The following FAT3 variants were observed in gnomAD, a reference collection of about 807,000 sequenced individuals.
FAT3 encodes FAT atypical cadherin 3, also known as protocadherin Fat 3.
Under a neutral mutation model 310.2 loss-of-function variants are expected in FAT3, and 95 were observed. The observed-to-expected ratio is 0.31, with a 90% CI of 0.26 to 0.36. The LOEUF is 0.36. FAT3 is among the 10% of genes least tolerant of loss of function. The pLI is 1.00. For synonymous variants in FAT3, 2,314 were observed against 2,192.9 expected (o/e 1.06, Z -1.54); for missense variants, 5,408 against 5,715.6 (o/e 0.95, Z 1.74).
chr11:92,264,589 A>G (rs1182495468), intron 1 of FAT3, among the ~76,000 whole-genome samples: 1 of 152,176 alleles, frequency 6.6e-6, no homozygotes, highest in African/African-American at 2.4e-5. Flanking sequence ...TGCTATGACA[A>G]TGGAAATATT....
chr11:92,261,084 G>A (rs1865533970), intron 1 of FAT3, among the ~76,000 whole-genome samples: 1 of 152,054 alleles, frequency 6.6e-6, no homozygotes, highest in Admixed American at 6.6e-5. Context: ...CTGTGACAAT[G>A]TACTACTTCA....
chr11:92,303,393 C>T (rs1179646212), intron 1 of FAT3, among the ~76,000 whole-genome samples: 1 of 152,048 alleles, frequency 6.6e-6, no homozygotes, highest in Non-Finnish European at 1.5e-5. Context: ...CAATATCTAG[C>T]AGCTCTTGAG....
At position 92,890,590 on chromosome 11, in the gene FAT3, A is replaced by T. The variant is rs1565683919; in HGVS notation, c.13247A>T (p.Gln4416Leu). The T allele has an allele frequency of 6.2e-7, 1 of 1,613,794 alleles. No individual in the cohort carries two copies. The highest frequency in any genetic ancestry group is 2.2e-5 in the East Asian group (1 of 44,856). Reference sequence around the variant, plus strand: ...AACCAGGATGGAGGGTCTGCACACCAGGGGAGCACACGGGAGCTGGAGAGC... The same window carrying T: ...AACCAGGATGGAGGGTCTGCACACCTGGGGAGCACACGGGAGCTGGAGAGC... The part of the protein sequence containing the change: ...YENQDGGSAH[Q>L]GSTRELESDY... The change falls in exon 28 of 28, where the codon CAG (glutamine) becomes CTG (leucine). Residue 4416 changes from glutamine (Q) to leucine (L), a missense_variant. This residue lies in a region of FAT3 where 649 missense variants were observed against 666.2 expected (regional missense o/e 0.97). Coordinates refer to ENST00000525166, the MANE Select transcript of FAT3 (RefSeq NM_001367949.2).
intron 3 of FAT3, among the ~76,000 whole-genome samples, chr11:92,678,906 A>G (rs1943376135): frequency 6.6e-6 from 1 of 152,228 alleles, no homozygotes; most frequent in Non-Finnish European, 1.5e-5. Context: ...CCATCACCCA[A>G]ATAACATACA....
chr11:92,765,238 A>C (rs1946274372), intron 6 of FAT3, 149 bp downstream of exon 6: 2 of 735,196 alleles, frequency 2.7e-6, no homozygotes, highest in Non-Finnish European at 4.3e-6. Flanking sequence ...AGAGCCAGTA[A>C]AGTGAATAAT....
chr11:92,253,238 T>G (rs1865198038), intron 1 of FAT3, among the ~76,000 whole-genome samples: 1 of 152,068 alleles, frequency 6.6e-6, no homozygotes, highest in Non-Finnish European at 1.5e-5. Flanking sequence ...GCTGTAATGC[T>G]GAAGCTGGTT....
chr11:92,629,634 C>T (rs1451133607), intron 3 of FAT3, among the ~76,000 whole-genome samples: 2 of 152,162 alleles, frequency 1.3e-5, no homozygotes, highest in East Asian at 1.9e-4. Context: ...TGGTCTCAAA[C>T]TCTTGGTCTC....
At chr11:92,646,331 C>G (rs79313121) in intron 3 of FAT3, among the ~76,000 whole-genome samples, 1 of 152,192 alleles carries the variant, frequency 6.6e-6, no homozygotes, top group African/African-American at 2.4e-5. Flanking sequence ...CATGGCACAT[C>G]AGGGTTCTAA....
intron 1 of FAT3, among the ~76,000 whole-genome samples, chr11:92,251,778 C>A (rs1036942214): frequency 6.6e-6 from 1 of 152,030 alleles, no homozygotes; most frequent in Non-Finnish European, 1.5e-5. Context: ...ATATGATGAA[C>A]AAGACAGATA....
At chr11:92,357,608 G>A (rs1051080388) in intron 2 of FAT3, among the ~76,000 whole-genome samples, 1 of 152,076 alleles carries the variant, frequency 6.6e-6, no homozygotes, top group African/African-American at 2.4e-5. Flanking sequence ...TGGATAGGTA[G>A]GTCATAGGAA....
At chr11:92,646,855 G>A (rs768827771) in intron 3 of FAT3, among the ~76,000 whole-genome samples, 6 of 152,176 alleles carry the variant, frequency 3.9e-5, no homozygotes, top group Non-Finnish European at 8.8e-5. Flanking sequence ...AAAGGACATG[G>A]CCATCACCAT....
Position 92,524,537 on chromosome 11 carries a change from T to G in FAT3, c.3293-97T>G, listed in dbSNP as rs561408. 0.44 allele frequency: 528,599 copies of G among 1,204,970 alleles called. 117,003 individuals carry two copies. Among genetic ancestry groups the G allele is most frequent in the South Asian group, 0.52 (32,590 of 62,872 alleles). 74.6% of individuals were successfully genotyped at this position (1,204,970 alleles called of 1,614,324 possible). A position where few individuals can be genotyped will look rare whatever the true frequency, so the allele number is the denominator to read the frequency against. ...GTTATGGATTTGGGTGTTTTTCATA[T>G]GCCAAGATTATTTAGTGTAGTCCTT... On this transcript the variant is annotated intron_variant, in intron 2 of 27. Transcript: ENST00000525166.
intron 3 of FAT3, among the ~76,000 whole-genome samples, chr11:92,659,619 A>C (rs1199261887): frequency 6.6e-6 from 1 of 152,208 alleles, no homozygotes; most frequent in African/African-American, 2.4e-5. Context: ...TTTCAGGTAA[A>C]AACATTGGTT....
intron 4 of FAT3, among the ~76,000 whole-genome samples, chr11:92,729,815 T>C (rs1431935233): frequency 6.6e-6 from 1 of 152,070 alleles, no homozygotes; most frequent in African/African-American, 2.4e-5. Context: ...TTTAAAAAAT[T>C]ACGTTGAAAT....
rs1445063533 is a variant in FAT3, at chr11:92,445,703, A to G, written c.3293-78931A>G. On this transcript the variant is annotated intron_variant, in intron 2 of 27. Coordinates refer to ENST00000525166, the MANE Select transcript of FAT3 (RefSeq NM_001367949.2). Reference sequence around the variant, plus strand: ...TGTATGCATTGTCTTCAACAAGGAAAAATTACCTATAAGTCCATCAAGGAG... The same window carrying G: ...TGTATGCATTGTCTTCAACAAGGAAGAATTACCTATAAGTCCATCAAGGAG... 2.0e-5 allele frequency among the ~76,000 whole-genome samples: 3 copies of G among 152,270 alleles called. No homozygotes were observed. In the East Asian group the frequency reaches 5.8e-4, roughly 29 times the overall value.
intron 4 of FAT3, among the ~76,000 whole-genome samples, chr11:92,701,042 G>A (rs1413038005): frequency 6.6e-6 from 1 of 152,162 alleles, no homozygotes; most frequent in Non-Finnish European, 1.5e-5. Flanking sequence ...GATATATTTT[G>A]TGACTTGTAA....
intron 22 of FAT3, among the ~76,000 whole-genome samples, chr11:92,873,900 C>G (rs1209420324): frequency 6.6e-6 from 1 of 152,176 alleles, no homozygotes; most frequent in East Asian, 1.9e-4. Context: ...TGAGAACTGG[C>G]ATGAAGTGCA....
intron 1 of FAT3, among the ~76,000 whole-genome samples, chr11:92,232,542 C>T (rs1864227532): frequency 6.7e-6 from 1 of 150,056 alleles, no homozygotes. Flanking sequence ...ATGTTTCACT[C>T]ATTAAAAGCT....
intron 3 of FAT3, 109 bp downstream of exon 3, chr11:92,525,057 T>C (rs2135363558): frequency 5.4e-6 from 5 of 933,720 alleles, no homozygotes; most frequent in South Asian, 1.8e-5. Context: ...AATAGCATCT[T>C]CCTTTCTGAG....
Sources: allele counts gnomAD v4.1 joint callset (sites outside exome capture counted in the v4.1 genomes callset), GRCh38; gene constraint gnomAD v4.1.1; regional missense constraint gnomAD v4.1.1; transcripts MANE v1.5; gene names NCBI Gene and HGNC (gene_info 2026-07-23, HGNC 2026-07-21).